Variants in ENPP1 observed in about 807,000 individuals in gnomAD.
The protein encoded by ENPP1 is ectonucleotide pyrophosphatase/phosphodiesterase family member 1.
ENPP1 carries 73 observed loss-of-function variants against 122.8 expected under a neutral mutation model. The ratio of observed to expected loss-of-function variants is 0.59; its 90% CI spans 0.49 to 0.72. ENPP1 has a LOEUF of 0.72. Ranked by LOEUF, ENPP1 falls within the 30% of genes least tolerant of loss-of-function variation. The pLI, the probability that ENPP1 is intolerant of heterozygous loss-of-function variation, is 0.00. For synonymous variants in ENPP1, 367 were observed against 391.6 expected, an observed-to-expected ratio of 0.94 and a Z score of 0.74; for missense variants, 978 against 1,128.1, an observed-to-expected ratio of 0.87 and a Z score of 1.91.
chr6:131,818,930 T>TGACA (rs1427896652), intron 1 of ENPP1, among the ~76,000 whole-genome samples: 1 of 152,236 alleles, frequency 6.6e-6, no homozygotes, highest in African/African-American at 2.4e-5. Flanking sequence ...TGATGTTAGC[T>TGACA]TGTCCCTTCA....
At chr6:131,854,872 G>C (rs1327454926) in intron 5 of ENPP1, 54 bp from the exon 6 acceptor site, 24 of 1,233,034 alleles carry the variant, frequency 1.9e-5, no homozygotes, top group African/African-American at 7.4e-5. Flanking sequence ...ATCTTCATTG[G>C]ATATGTCTTG....
chr6:131,886,444 AT>A (rs1236069133), intron 23 of ENPP1, 117 bp from the exon 24 acceptor site: 7 of 771,204 alleles, frequency 9.1e-6, no homozygotes, highest in Non-Finnish European at 1.3e-5. Flanking sequence ...AGCTTCTTAT[AT>A]TTAATTATTT....
At chr6:131,811,872 A>G (rs924869991) in intron 1 of ENPP1, among the ~76,000 whole-genome samples, 1 of 152,142 alleles carries the variant, frequency 6.6e-6, no homozygotes, top group Admixed American at 6.5e-5. Flanking sequence ...CTGATGATCA[A>G]CGTTTTGGAT....
chr6:131,867,686 T>C (rs796715954), intron 11 of ENPP1, among the ~76,000 whole-genome samples: 1 of 152,154 alleles, frequency 6.6e-6, no homozygotes. Flanking sequence ...TTAAGTTGGG[T>C]CTAATCTAAG....
At position 131,886,576 on chromosome 6, in the gene ENPP1, T is replaced by TCCGTAA; in HGVS notation, c.2462_2467dup (p.Arg821_Asn822dup). Reference sequence around the variant, plus strand: ...ATGTTTTACAGAAAAAGAAGAGTCATCCGTAACCAAGAAATTTTGATTCCA... The same window carrying TCCGTAA: ...ATGTTTTACAGAAAAAGAAGAGTCATCCGTAACCGTAACCAAGAAATTTTGATTCCA... On this transcript the variant is annotated inframe_insertion, in exon 24 of 25. Coordinates refer to ENST00000647893, the MANE Select transcript of ENPP1 (RefSeq NM_006208.3). 1 of 1,613,182 alleles carries TCCGTAA rather than the reference T, an allele frequency of 6.2e-7. No individual in the cohort carries two copies.
intron 9 of ENPP1, among the ~76,000 whole-genome samples, chr6:131,863,872 C>T (rs371436412): frequency 1.3e-4 from 19 of 151,916 alleles, no homozygotes; most frequent in East Asian, 3.9e-4. Flanking sequence ...ACTGAGACCG[C>T]GCCACTGCAC....
chr6:131,894,489 G>A lies in ENPP1; in HGVS notation c.*3978G>A, dbSNP rs979530019. On this transcript the variant is annotated 3_prime_UTR_variant, in exon 25 of 25. Transcript: ENST00000647893. Reference sequence around the variant, plus strand: ...AGATGGGGTTTCACTGTGTTGCTCAGGCTGGTCTTGATCTCCTGAGCTCAG... The same window carrying A: ...AGATGGGGTTTCACTGTGTTGCTCAAGCTGGTCTTGATCTCCTGAGCTCAG... The A allele has an allele frequency of 1.3e-5, 2 of 151,590 alleles. No individual in the cohort carries two copies. Among genetic ancestry groups the A allele is most frequent in the Non-Finnish European group, 2.9e-5 (2 of 68,020 alleles). 9.4% of individuals were successfully genotyped at this position (151,590 alleles called of 1,614,324 possible). A position where few individuals can be genotyped will look rare whatever the true frequency, so the allele number is the denominator to read the frequency against.
chr6:131,832,605 A>G (rs1307297178), intron 1 of ENPP1, among the ~76,000 whole-genome samples: 1 of 152,154 alleles, frequency 6.6e-6, no homozygotes, highest in Non-Finnish European at 1.5e-5. Flanking sequence ...AAAATCTCTC[A>G]TAGTTTTTGG....
Position 131,808,047 on chromosome 6 carries a change from C to A in ENPP1, c.12C>A (p.Asp4Glu), listed in dbSNP as rs2114643117. 2 of 453,416 alleles carry A rather than the reference C, an allele frequency of 4.4e-6. No individual in the cohort carries two copies. Among genetic ancestry groups the A allele is most frequent in the South Asian group, 1.1e-4 (1 of 9,400 alleles). The allele number at this position is 453,416 out of a possible 1,614,324, so 28.1% of individuals were successfully genotyped here. MER[D>E]GCAGGGSRGG... ...CGGCCGGGGCCACGATGGAGCGCGACGGCTGCGCGGGGGGCGGGAGCCGCG... is the reference window on the plus strand; with the variant it reads ...CGGCCGGGGCCACGATGGAGCGCGAAGGCTGCGCGGGGGGCGGGAGCCGCG... Residue 4 changes from aspartate to glutamate, a missense_variant, in exon 1 of 25, where the codon GAC becomes GAA. Transcript: ENST00000647893.
rs12193922 is a variant in ENPP1, at chr6:131,868,617, T to A, written c.1273+491T>A. Among the ~76,000 whole-genome samples the A allele has an allele frequency of 7.9e-5, 12 of 151,928 alleles. No individual in the cohort carries two copies. The South Asian group carries it at 8.3e-4, about 11-fold the overall frequency. ...ACCACACCTGGCTAATTAAAAAAAA[T>A]TTTTTTTGGTAGACATGGGATCTTG... On this transcript the variant is annotated intron_variant, in intron 12 of 24. Coordinates refer to ENST00000647893, the MANE Select transcript of ENPP1 (RefSeq NM_006208.3).
rs750403497 is a variant in ENPP1 at position 131,869,466 on chromosome 6, A to G, written c.1382A>G (p.Asp461Gly). Reference protein sequence around the residue: ...YGPAARLRPSDVPDKYYSFNY... With the variant: ...YGPAARLRPSGVPDKYYSFNY... ...CCTGCAGCTCGATTGAGACCCTCTG[A>G]TGTCCCAGATAAATACTATTCATGT... The change falls in exon 13 of 25, where the codon GAT (aspartate) becomes GGT (glycine). Residue 461 changes from aspartate to glycine, a missense_variant. Asp to Gly is a moderately conservative substitution (Grantham distance 94). Coordinates refer to ENST00000647893, the MANE Select transcript of ENPP1 (RefSeq NM_006208.3). 6.2e-7 allele frequency: 1 copy of G among 1,613,528 alleles called. No individual in the cohort carries two copies. The highest frequency in any genetic ancestry group is 8.5e-7 in the Non-Finnish European group (1 of 1,179,516).
At chr6:131,833,976 C>T (rs1284862228) in intron 1 of ENPP1, among the ~76,000 whole-genome samples, 1 of 152,168 alleles carries the variant, frequency 6.6e-6, no homozygotes, top group African/African-American at 2.4e-5. Context: ...AGTGATTCTG[C>T]TGTGCAGTTG....
rs1278942984 is a variant in ENPP1, at chr6:131,893,395, C to T, written c.*2884C>T. The T allele has an allele frequency of 2.6e-5, 4 of 152,366 alleles. No homozygotes were observed. In the East Asian group the frequency reaches 7.7e-4, roughly 29 times the overall value. 9.4% of individuals were successfully genotyped at this position (152,366 alleles called of 1,614,324 possible). A position where few individuals can be genotyped will look rare whatever the true frequency, so the allele number is the denominator to read the frequency against. The stretch of plus-strand genomic sequence containing the variant: ...GGCTGCACAAAAGAGACACTGGATG[C>T]TTCTTGGTAGTAGAGGCAGTGGCTT... On this transcript the variant is annotated 3_prime_UTR_variant, in exon 25 of 25. Transcript: ENST00000647893.
intron 16 of ENPP1, among the ~76,000 whole-genome samples, chr6:131,874,857 C>T (rs1415281197): frequency 6.8e-6 from 1 of 146,816 alleles, no homozygotes; most frequent in African/African-American, 2.6e-5. Flanking sequence ...CACACACACA[C>T]ATACCATGAA....
intron 7 of ENPP1, 86 bp from the exon 8 acceptor site, chr6:131,860,301 C>A (rs911791880): frequency 3.9e-6 from 4 of 1,034,028 alleles, no homozygotes; most frequent in Admixed American, 2.1e-5. Context: ...CTTCAGTTAT[C>A]GGTTTCTTTT....
chr6:131,869,500 C>G lies in ENPP1; in HGVS notation c.1405+11C>G. 1 of 1,611,958 alleles carries G rather than the reference C, an allele frequency of 6.2e-7. No individual in the cohort carries two copies. ...ATAAATACTATTCATGTAAGTATATCTCTGTGATAACTTTGAATATGGTCA... is the reference window on the plus strand; with the variant it reads ...ATAAATACTATTCATGTAAGTATATGTCTGTGATAACTTTGAATATGGTCA... On this transcript the variant is annotated intron_variant, in intron 13 of 24. Transcript: ENST00000647893.
chr6:131,819,481 G>GT (rs1463678520), intron 1 of ENPP1, among the ~76,000 whole-genome samples: 3 of 152,216 alleles, frequency 2.0e-5, no homozygotes, highest in East Asian at 1.9e-4. Context: ...TTCAGATTCA[G>GT]TTTTTTTGTG....
At chr6:131,875,890 C>T in intron 17 of ENPP1, 27 bp downstream of exon 17, 1 of 1,559,990 alleles carries the variant, frequency 6.4e-7, no homozygotes, top group Non-Finnish European at 8.8e-7. Context: ...GCCTTTTTTC[C>T]CTTCTGAAAA....
chr6:131,831,890 A>G (rs1781618730), intron 1 of ENPP1, among the ~76,000 whole-genome samples: 1 of 152,058 alleles, frequency 6.6e-6, no homozygotes, highest in Non-Finnish European at 1.5e-5. Context: ...TTGATGGTGG[A>G]GTATCTGCAT....
Sources: allele counts gnomAD v4.1 joint callset (sites outside exome capture counted in the v4.1 genomes callset), GRCh38; gene constraint gnomAD v4.1.1; transcripts MANE v1.5; gene names NCBI Gene and HGNC (gene_info 2026-07-23, HGNC 2026-07-21).